PPARGC1A: variants seen among roughly 807,000 people sequenced by gnomAD.
PPARGC1A encodes the protein peroxisome proliferator-activated receptor gamma coactivator 1-alpha.
Under a neutral mutation model 88.7 loss-of-function variants are expected in PPARGC1A, and 25 were observed. The observed-to-expected ratio is 0.28, with a 90% CI of 0.21 to 0.39. PPARGC1A has a LOEUF of 0.39. Among genes scored for constraint, PPARGC1A ranks in the 10% least tolerant of loss-of-function variants. The probability of loss-of-function intolerance (pLI) is 1.00; values close to 1 mark genes in which losing one functional copy is unlikely to be tolerated. For missense variants in PPARGC1A, 880 were observed against 968.7 expected, an observed-to-expected ratio of 0.91 and a Z score of 1.22; for synonymous variants, 363 against 355.6, an observed-to-expected ratio of 1.02 and a Z score of -0.24.
At chr4:23,948,884 G>A in the PPARGC1A span, among the ~76,000 whole-genome samples, 1 of 152,146 alleles carries the variant, frequency 6.6e-6, no homozygotes. Context: ...AGATCTAAAA[G>A]GCTAGTGACC....
intron 7 of PPARGC1A, among the ~76,000 whole-genome samples, chr4:23,821,210 C>T (rs1464402867): frequency 2.0e-5 from 3 of 152,128 alleles, no homozygotes; most frequent in Admixed American, 6.6e-5. Context: ...TATAAGTTCT[C>T]TTCAGGCAGA....
At chr4:23,835,677 A>G (rs1395580299) in intron 2 of PPARGC1A, among the ~76,000 whole-genome samples, 3 of 152,172 alleles carry the variant, frequency 2.0e-5, no homozygotes, top group African/African-American at 7.2e-5. Flanking sequence ...TAAATTTTTT[A>G]GTGAATTAAG....
At chr4:24,355,221 T>G in the PPARGC1A span, among the ~76,000 whole-genome samples, 140 of 152,308 alleles carry the variant, frequency 9.2e-4, 1 homozygote, top group Middle Eastern at 3.4e-3. Flanking sequence ...CCATCATCCT[T>G]TCTATAGCTT....
At chr4:24,175,689 A>AT in the PPARGC1A span, among the ~76,000 whole-genome samples, 8 of 151,030 alleles carry the variant, frequency 5.3e-5, no homozygotes, top group South Asian at 2.1e-4. Context: ...CGCCCAGTCG[A>AT]TTTTTTTTGT....
the PPARGC1A span, among the ~76,000 whole-genome samples, chr4:23,933,237 G>A: frequency 6.6e-6 from 1 of 152,152 alleles, no homozygotes; most frequent in Non-Finnish European, 1.5e-5. Context: ...TGTTATTCAA[G>A]AGCTGTGTGG....
chr4:24,137,650 A>G, the PPARGC1A span, among the ~76,000 whole-genome samples: 2 of 152,076 alleles, frequency 1.3e-5, no homozygotes, highest in African/African-American at 4.8e-5. Flanking sequence ...ACTGCCCCCC[A>G]CAAGAAATGG....
At chr4:24,171,139 C>T in the PPARGC1A span, among the ~76,000 whole-genome samples, 4 of 152,118 alleles carry the variant, frequency 2.6e-5, no homozygotes, top group African/African-American at 7.2e-5. Context: ...CGGCCAGGCG[C>T]GGTGGCTCAC....
chr4:24,064,464 A>G, the PPARGC1A span, among the ~76,000 whole-genome samples: 1 of 152,122 alleles, frequency 6.6e-6, no homozygotes, highest in Non-Finnish European at 1.5e-5. Flanking sequence ...TGAGGGGGAA[A>G]GGGTCACGGG....
chr4:24,346,688 A>G, the PPARGC1A span, among the ~76,000 whole-genome samples: 1 of 151,904 alleles, frequency 6.6e-6, no homozygotes, highest in African/African-American at 2.4e-5. Flanking sequence ...AATCTTGCTA[A>G]TGGTCTATCA....
At chr4:24,387,069 G>T in the PPARGC1A span, among the ~76,000 whole-genome samples, 1 of 152,040 alleles carries the variant, frequency 6.6e-6, no homozygotes, top group Non-Finnish European at 1.5e-5. Flanking sequence ...CAGAACAGAG[G>T]CCTCAGAAAC....
At chr4:24,372,052 T>C in the PPARGC1A span, among the ~76,000 whole-genome samples, 5 of 152,232 alleles carry the variant, frequency 3.3e-5, no homozygotes, top group African/African-American at 1.2e-4. Flanking sequence ...AAGTTTCATC[T>C]CTCTCTCTTG....
the PPARGC1A span, among the ~76,000 whole-genome samples, chr4:24,019,492 A>G: frequency 6.6e-6 from 1 of 152,188 alleles, no homozygotes; most frequent in Non-Finnish European, 1.5e-5. Flanking sequence ...TACTACCCTG[A>G]GGGTAAAATT....
In PPARGC1A at chr4:23,814,295, T is replaced by C. The variant is rs1442257661; in HGVS notation, c.1188A>G (p.Ile396Met). 6.2e-7 allele frequency: 1 copy of C among 1,613,930 alleles called. No individual in the cohort carries two copies. Among genetic ancestry groups the C allele is most frequent in the Non-Finnish European group, 8.5e-7 (1 of 1,180,000 alleles). ...GGAGCTCCTGTGATATATTAATGAG[T>C]ATTTCTGTTTTGGAATTAATTGACT... ...YCQSINSKTEILINISQELQD... is the reference protein window; with the variant it reads ...YCQSINSKTEMLINISQELQD... Residue 396 changes from isoleucine (I) to methionine (M), a missense_variant, in exon 8 of 13, where the codon ATA becomes ATG. Transcript: ENST00000264867.
the PPARGC1A span, among the ~76,000 whole-genome samples, chr4:24,393,041 AC>A: frequency 1.6e-5 from 2 of 123,102 alleles, no homozygotes; most frequent in African/African-American, 5.3e-5. Context: ...ACACACACAC[AC>A]ACACACCCCT....
At chr4:24,013,132 G>A in the PPARGC1A span, among the ~76,000 whole-genome samples, 1 of 152,158 alleles carries the variant, frequency 6.6e-6, no homozygotes, top group Non-Finnish European at 1.5e-5. Flanking sequence ...TGCTGTGGAT[G>A]TGGCAGAGAA....
the PPARGC1A span, among the ~76,000 whole-genome samples, chr4:24,068,080 G>T: frequency 6.6e-6 from 1 of 152,140 alleles, no homozygotes; most frequent in Non-Finnish European, 1.5e-5. Context: ...TGAGAGGCTG[G>T]CACTGCTAGG....
intron 2 of PPARGC1A, among the ~76,000 whole-genome samples, chr4:23,862,635 T>C (rs548737837): frequency 6.6e-6 from 1 of 152,334 alleles, no homozygotes; most frequent in African/African-American, 2.4e-5. Flanking sequence ...GTTTTTATTT[T>C]TTTAATTAAA....
the PPARGC1A span, among the ~76,000 whole-genome samples, chr4:24,315,115 AT>A: frequency 6.6e-6 from 1 of 152,102 alleles, no homozygotes; most frequent in Non-Finnish European, 1.5e-5. Context: ...CCATCTTAAC[AT>A]TTGACAGTTC....
chr4:23,970,225 C>T, the PPARGC1A span, among the ~76,000 whole-genome samples: 1 of 152,170 alleles, frequency 6.6e-6, no homozygotes, highest in South Asian at 2.1e-4. Flanking sequence ...TTTCAACTCA[C>T]CATAGTAGCA....
Sources: allele counts gnomAD v4.1 joint callset (sites outside exome capture counted in the v4.1 genomes callset), GRCh38; gene constraint gnomAD v4.1.1; transcripts MANE v1.5; gene names NCBI Gene and HGNC (gene_info 2026-07-23, HGNC 2026-07-21).